The following EIPR1 variants were observed in gnomAD, a reference collection of about 807,000 sequenced individuals.
The protein encoded by EIPR1 is EARP complex and GARP complex interacting protein 1, also known as EARP and GARP complex-interacting protein 1.
A neutral mutation model predicts 48.1 loss-of-function variants in EIPR1; 25 were observed. The observed-to-expected ratio is 0.52, with a 90% CI of 0.38 to 0.73. The LOEUF (loss-of-function observed/expected upper bound fraction) is 0.73, where lower values mean the gene tolerates loss of function less well. Among genes scored for constraint, EIPR1 ranks in the 30% least tolerant of loss-of-function variants. The pLI, the probability that EIPR1 is intolerant of heterozygous loss-of-function variation, is 0.00. For missense variants in EIPR1, 415 were observed against 506.2 expected (o/e 0.82, Z 1.73); for synonymous variants, 204 against 201.9 (o/e 1.01, Z -0.09).
At chr2:3,349,089 A>G (rs112618567) in intron 2 of EIPR1, among the ~76,000 whole-genome samples, 144 of 152,202 alleles carry the variant, frequency 9.5e-4, no homozygotes, top group Non-Finnish European at 1.6e-3. Flanking sequence ...TGTCTGTACA[A>G]AAGTGTACAC....
intron 5 of EIPR1, among the ~76,000 whole-genome samples, chr2:3,199,176 A>G (rs2103112447): frequency 6.6e-6 from 1 of 151,802 alleles, no homozygotes; most frequent in Middle Eastern, 3.4e-3. Flanking sequence ...TAAGAGAAAT[A>G]TGGCTCTGTT....
intron 5 of EIPR1, among the ~76,000 whole-genome samples, chr2:3,206,643 T>C (rs1420787130): frequency 6.6e-6 from 1 of 152,260 alleles, no homozygotes; most frequent in Non-Finnish European, 1.5e-5. Context: ...CACAAAAATC[T>C]AAGCTCTGTT....
At chr2:3,207,413 C>T (rs572861171) in intron 5 of EIPR1, among the ~76,000 whole-genome samples, 1 of 152,332 alleles carries the variant, frequency 6.6e-6, no homozygotes, top group African/African-American at 2.4e-5. Flanking sequence ...GTGCACCTTC[C>T]CACTCACCCG....
chr2:3,357,562 A>T (rs1385493104), intron 1 of EIPR1, among the ~76,000 whole-genome samples: 1 of 152,200 alleles, frequency 6.6e-6, no homozygotes. Context: ...AACCACTCAT[A>T]CACTGCTGAG....
At chr2:3,216,085 T>G (rs1274707768) in intron 4 of EIPR1, among the ~76,000 whole-genome samples, 1 of 152,182 alleles carries the variant, frequency 6.6e-6, no homozygotes, top group Non-Finnish European at 1.5e-5. Flanking sequence ...ATGATCACAC[T>G]TCTCTCCGTA....
chr2:3,211,538 T>C (rs1331350508), intron 5 of EIPR1, among the ~76,000 whole-genome samples: 1 of 152,222 alleles, frequency 6.6e-6, no homozygotes, highest in African/African-American at 2.4e-5. Flanking sequence ...CTGCTGTCGC[T>C]AGGAGTGCCC....
rs568296797 is a variant in EIPR1, at chr2:3,353,865, G to T, written c.126+685C>A. Among the ~76,000 whole-genome samples the T allele has an allele frequency of 2.0e-5, 3 of 152,226 alleles. No homozygotes were observed. The South Asian group carries it at 6.2e-4, about 32-fold the overall frequency. On this transcript the variant is annotated intron_variant, in intron 2 of 8. Coordinates refer to ENST00000382125, the MANE Select transcript of EIPR1 (RefSeq NM_003310.5). ...TTTCCCCTGTGTGATCAGATAAGCC[G>T]GACAGAAGCCCTAGACCATGTCTGA...
chr2:3,338,794 T>C (rs1670144720), intron 2 of EIPR1, among the ~76,000 whole-genome samples: 1 of 152,244 alleles, frequency 6.6e-6, no homozygotes, highest in South Asian at 2.1e-4. Flanking sequence ...TTAAATATAC[T>C]ATCTCCATGC....
Position 3,214,222 on chromosome 2 carries a change from C to G in EIPR1, c.443G>C (p.Gly148Ala). Residue 148 changes from glycine (G) to alanine (A), a missense_variant, in exon 5 of 9, where the codon GGG becomes GCG. Transcript: ENST00000382125. ...ACVVWEPMGDGKKIISLADNH... is the reference protein window; with the variant it reads ...ACVVWEPMGDAKKIISLADNH... ...ATCAGCCAAGGAAATGATTTTCTTC[C>G]CATCTCCCATTGGCTCCCACACGAC... 1 of 1,613,634 alleles carries G rather than the reference C, an allele frequency of 6.2e-7. No individual in the cohort carries two copies. Among genetic ancestry groups the G allele is most frequent in the Non-Finnish European group, 8.5e-7 (1 of 1,179,790 alleles).
chr2:3,373,427 G>A (rs529290565), intron 1 of EIPR1, among the ~76,000 whole-genome samples: 2 of 152,306 alleles, frequency 1.3e-5, no homozygotes, highest in Admixed American at 6.5e-5. Flanking sequence ...AGGAAAAGAG[G>A]AAGTCAAATT....
At chr2:3,257,735 T>C (rs1176664151) in intron 3 of EIPR1, among the ~76,000 whole-genome samples, 1 of 152,162 alleles carries the variant, frequency 6.6e-6, no homozygotes, top group African/African-American at 2.4e-5. Flanking sequence ...CAAAATCGAT[T>C]TCCTTCCGTT....
At chr2:3,281,522 A>G (rs1373457290) in intron 3 of EIPR1, among the ~76,000 whole-genome samples, 1 of 152,016 alleles carries the variant, frequency 6.6e-6, no homozygotes, top group Non-Finnish European at 1.5e-5. Context: ...AGATGAAAAA[A>G]CTGAGGAAAA....
chr2:3,225,152 T>C (rs990547523), intron 4 of EIPR1, among the ~76,000 whole-genome samples: 3 of 152,124 alleles, frequency 2.0e-5, no homozygotes, highest in African/African-American at 7.2e-5. Flanking sequence ...TGTTGGCTTT[T>C]TCCCCCCCAG....
intron 3 of EIPR1, among the ~76,000 whole-genome samples, chr2:3,324,106 A>G (rs533531774): frequency 6.6e-6 from 1 of 152,356 alleles, no homozygotes; most frequent in Admixed American, 6.5e-5. Flanking sequence ...CAAAGTCTAA[A>G]GTAGTCAAGG....
chr2:3,373,245 C>T (rs1302626235), intron 1 of EIPR1, among the ~76,000 whole-genome samples: 3 of 151,434 alleles, frequency 2.0e-5, no homozygotes, highest in African/African-American at 4.9e-5. Flanking sequence ...ATAATAAGAG[C>T]TATCTATGAC....
At chr2:3,240,454 G>C (rs1666571656) in intron 4 of EIPR1, among the ~76,000 whole-genome samples, 1 of 135,282 alleles carries the variant, frequency 7.4e-6, no homozygotes, top group African/African-American at 2.8e-5. Flanking sequence ...AAGCAAAGCA[G>C]GAGATCCTTC....
chr2:3,373,540 C>A (rs1299977683), intron 1 of EIPR1, among the ~76,000 whole-genome samples: 2 of 151,190 alleles, frequency 1.3e-5, no homozygotes, highest in African/African-American at 4.8e-5. Flanking sequence ...TCTCAGGATA[C>A]AAAATCAATG....
chr2:3,311,894 G>A (rs1468028387), intron 3 of EIPR1, among the ~76,000 whole-genome samples: 1 of 152,200 alleles, frequency 6.6e-6, no homozygotes, highest in African/African-American at 2.4e-5. Flanking sequence ...GGGCACTGGG[G>A]TCCCTGTGCA....
At chr2:3,248,332 G>A (rs549294503) in intron 4 of EIPR1, among the ~76,000 whole-genome samples, 35 of 152,284 alleles carry the variant, frequency 2.3e-4, no homozygotes, top group Middle Eastern at 3.4e-3. Context: ...GGTGGCACAC[G>A]CCTGTAATCC....
Sources: gnomAD v4.1 joint callset for allele counts (sites outside exome capture counted in the v4.1 genomes callset) on GRCh38, gnomAD v4.1.1 for gene constraint, MANE v1.5 for transcripts, NCBI Gene and HGNC (gene_info 2026-07-23, HGNC 2026-07-21) for gene names.